The following USH2A variants were observed in gnomAD, a reference collection of about 807,000 sequenced individuals.
USH2A encodes Usher syndrome 2A (autosomal recessive, mild).
In USH2A, 443 loss-of-function variants were observed where a neutral mutation model predicts 538.9. That is an observed-to-expected ratio of 0.82 (90% CI 0.76 to 0.89). The LOEUF is 0.89. USH2A is among the 40% of genes least tolerant of loss of function. The pLI is 0.00. For synonymous variants in USH2A, 2,413 were observed against 2,273.5 expected, an observed-to-expected ratio of 1.06 and a Z score of -1.75; for missense variants, 6,633 against 6,324.8, an observed-to-expected ratio of 1.05 and a Z score of -1.65.
At chr1:216,420,336 T>G (rs1415113000) in intron 2 of USH2A, among the ~76,000 whole-genome samples, 2 of 152,148 alleles carry the variant, frequency 1.3e-5, no homozygotes, top group Non-Finnish European at 2.9e-5. Flanking sequence ...CATACTAGCT[T>G]TGGTAGATAA....
At chr1:216,227,958 A>G (rs1003397597) in intron 14 of USH2A, among the ~76,000 whole-genome samples, 1 of 152,182 alleles carries the variant, frequency 6.6e-6, no homozygotes, top group African/African-American at 2.4e-5. Context: ...GGAGCCCACA[A>G]TCAGGTACTC....
rs148987568 is a variant in USH2A at position 216,334,879 on chromosome 1, A to T, written c.785-7225T>A. Reference sequence around the variant, plus strand: ...GTGGAGACTTCAATATCCTACTTTCAATCATGGAGAGAGCAACTACACAGA... The same window carrying T: ...GTGGAGACTTCAATATCCTACTTTCTATCATGGAGAGAGCAACTACACAGA... On this transcript the variant is annotated intron_variant, in intron 4 of 71. Coordinates refer to ENST00000307340, the MANE Select transcript of USH2A (RefSeq NM_206933.4). Among the ~76,000 whole-genome samples, 713 of 151,964 alleles carry T rather than the reference A, an allele frequency of 4.7e-3. 7 individuals are homozygous for T. Among genetic ancestry groups the T allele is most frequent in the African/African-American group, 0.016 (679 of 41,546 alleles).
chr1:215,629,308 C>A (rs1423883037), intron 70 of USH2A, among the ~76,000 whole-genome samples: 1 of 152,162 alleles, frequency 6.6e-6, no homozygotes, highest in East Asian at 1.9e-4. Flanking sequence ...AGAGCTCATG[C>A]ACTGGTGCTC....
At chr1:216,017,363 C>T (rs763380675) in intron 32 of USH2A, among the ~76,000 whole-genome samples, 2 of 152,216 alleles carry the variant, frequency 1.3e-5, no homozygotes, top group Admixed American at 6.5e-5. Flanking sequence ...TCAATGCTTT[C>T]GATTCATAAA....
intron 21 of USH2A, among the ~76,000 whole-genome samples, chr1:216,139,830 G>A (rs61826897): frequency 6.6e-6 from 1 of 152,102 alleles, no homozygotes; most frequent in East Asian, 1.9e-4. Context: ...ACTTGTCTGA[G>A]GCCGCTGGTT....
At position 216,196,421 on chromosome 1, in the gene USH2A, T is replaced by C. The variant is rs971392562; in HGVS notation, c.4251+132A>G. 1.5e-5 allele frequency: 14 copies of C among 915,588 alleles called. 1 individual carries two copies. In the African/African-American group the frequency reaches 1.8e-4, roughly 12 times the overall value. The allele number at this position is 915,588 out of a possible 1,614,324, so 56.7% of individuals were successfully genotyped here. A position where few individuals can be genotyped will look rare whatever the true frequency, so the allele number is the denominator to read the frequency against. ...AGAGGGAGGCTTGTACACATAATATTATATTAAGAAAAAATGCCCTGTTTA... is the reference window on the plus strand; with the variant it reads ...AGAGGGAGGCTTGTACACATAATATCATATTAAGAAAAAATGCCCTGTTTA... On this transcript the variant is annotated intron_variant, in intron 19 of 71. Transcript: ENST00000307340.
chr1:216,271,858 A>G (rs1047170137), intron 11 of USH2A, among the ~76,000 whole-genome samples: 4 of 152,128 alleles, frequency 2.6e-5, no homozygotes, highest in African/African-American at 9.7e-5. Flanking sequence ...TCCTGGGAGA[A>G]ATCCAATCAG....
intron 70 of USH2A, among the ~76,000 whole-genome samples, chr1:215,632,930 G>A (rs899471498): frequency 1.3e-5 from 2 of 152,100 alleles, no homozygotes; most frequent in Non-Finnish European, 2.9e-5. Flanking sequence ...ACAAACATTC[G>A]TGGAGTGCCT....
intron 37 of USH2A, among the ~76,000 whole-genome samples, chr1:215,943,835 T>C (rs1031410419): frequency 6.6e-6 from 1 of 152,190 alleles, no homozygotes; most frequent in Admixed American, 6.5e-5. Flanking sequence ...TTTTGAACTG[T>C]TGAATTCCTT....
At chr1:215,668,720 G>C (rs1300851286) in intron 64 of USH2A, among the ~76,000 whole-genome samples, 1 of 152,140 alleles carries the variant, frequency 6.6e-6, no homozygotes, top group Non-Finnish European at 1.5e-5. Context: ...CATGCTTGGA[G>C]CTTTCCATTC....
intron 38 of USH2A, 115 bp downstream of exon 38, chr1:215,934,501 T>C: frequency 2.9e-6 from 3 of 1,050,890 alleles, no homozygotes; most frequent in Non-Finnish European, 4.1e-6. Flanking sequence ...AGAAATACAA[T>C]TGAGCCTCTA....
At chr1:216,354,642 T>C (rs1215426880) in intron 4 of USH2A, among the ~76,000 whole-genome samples, 1 of 151,830 alleles carries the variant, frequency 6.6e-6, no homozygotes, top group Non-Finnish European at 1.5e-5. Flanking sequence ...AAAAGAGAAA[T>C]TGACCAGTGA....
At chr1:215,739,877 G>C (rs1660253089) in intron 60 of USH2A, among the ~76,000 whole-genome samples, 1 of 152,134 alleles carries the variant, frequency 6.6e-6, no homozygotes, top group African/African-American at 2.4e-5. Context: ...TAAGTTTCCA[G>C]GGCATAGGAC....
At chr1:216,064,086 C>T (rs1464912117) in intron 30 of USH2A, among the ~76,000 whole-genome samples, 1 of 152,168 alleles carries the variant, frequency 6.6e-6, no homozygotes, top group Non-Finnish European at 1.5e-5. Context: ...AAGTTCAAAC[C>T]CCAGCAATCA....
At chr1:216,171,643 G>A (rs558683553) in intron 21 of USH2A, among the ~76,000 whole-genome samples, 49 of 152,048 alleles carry the variant, frequency 3.2e-4, no homozygotes, top group Admixed American at 5.2e-4. Context: ...AATAATCTGT[G>A]TGGTAGGCAC....
chr1:215,684,189 C>T (rs977976982), intron 61 of USH2A, among the ~76,000 whole-genome samples: 12 of 152,168 alleles, frequency 7.9e-5, no homozygotes, highest in Non-Finnish European at 1.6e-4. Flanking sequence ...CTCTGGAACA[C>T]TCTGTCAGTT....
chr1:216,407,735 C>T (rs931747666), intron 3 of USH2A, among the ~76,000 whole-genome samples: 1 of 151,950 alleles, frequency 6.6e-6, no homozygotes, highest in African/African-American at 2.4e-5. Flanking sequence ...CCTTTGGGCA[C>T]AAAAATGACT....
rs186463849 is a variant in USH2A, at chr1:215,705,046, C to T, written c.12066+22984G>A. ...AATACATTATCTTATTGGCAATATG[C>T]TAGCTGTTTTAAAAATATTTATTAT... On this transcript the variant is annotated intron_variant, in intron 61 of 71. Coordinates refer to ENST00000307340, the MANE Select transcript of USH2A (RefSeq NM_206933.4). Among the ~76,000 whole-genome samples the T allele has an allele frequency of 4.3e-4, 65 of 152,300 alleles. 1 individual carries two copies. In the East Asian group the frequency reaches 7.5e-3, roughly 18 times the overall value.
intron 44 of USH2A, among the ~76,000 whole-genome samples, chr1:215,848,167 G>A (rs542691095): frequency 1.5e-4 from 23 of 152,138 alleles, no homozygotes; most frequent in East Asian, 1.4e-3. Flanking sequence ...GAGTGCAAAC[G>A]TTTCTTCTGT....
Sources: allele counts gnomAD v4.1 joint callset (sites outside exome capture counted in the v4.1 genomes callset), GRCh38; gene constraint gnomAD v4.1.1; transcripts MANE v1.5; gene names NCBI Gene and HGNC (gene_info 2026-07-23, HGNC 2026-07-21).